PARG: variants seen among roughly 807,000 people sequenced by gnomAD.
PARG encodes poly(ADP-ribose) glycohydrolase, also known as mitochondrial poly(ADP-ribose) glycohydrolase.
PARG carries 35 observed loss-of-function variants against 113.0 expected under a neutral mutation model. The ratio of observed to expected loss-of-function variants is 0.31; its 90% CI spans 0.24 to 0.41. PARG has a LOEUF of 0.41. PARG is among the 10% of genes least tolerant of loss of function. The pLI is 1.00. For missense variants in PARG, 797 were observed against 1,169.4 expected (o/e 0.68, Z 4.64); for synonymous variants, 330 against 409.9 (o/e 0.81, Z 2.36).
intron 7 of PARG, among the ~76,000 whole-genome samples, chr10:49,905,137 G>C (rs1848519458): frequency 6.6e-6 from 1 of 152,304 alleles, no homozygotes; most frequent in Non-Finnish European, 1.5e-5. Flanking sequence ...ACAAGAAAGA[G>C]AAGCATGAGG....
Position 49,935,696 on chromosome 10 carries a change from C to T in PARG, c.218-554G>A, listed in dbSNP as rs1422694656. On this transcript the variant is annotated intron_variant, in intron 1 of 17. Transcript: ENST00000616448. The stretch of plus-strand genomic sequence containing the variant: ...ATGGGCATAATCGGTAAGATTTCTT[C>T]GGAAAAGGTAAGGCTTGACTTATGC... Among the ~76,000 whole-genome samples, 4 of 152,080 alleles carry T rather than the reference C, an allele frequency of 2.6e-5. No homozygotes were observed. The East Asian group carries it at 5.8e-4, about 22-fold the overall frequency.
intron 13 of PARG, among the ~76,000 whole-genome samples, chr10:49,846,802 T>C (rs1845534417): frequency 6.6e-6 from 1 of 152,082 alleles, no homozygotes; most frequent in South Asian, 2.1e-4. Context: ...AGTTCAAATC[T>C]TGGCTTCCAA....
Position 49,941,803 on chromosome 10 carries a change from G to T in PARG, c.-78C>A. 1 of 1,535,354 alleles carries T rather than the reference G, an allele frequency of 6.5e-7. No individual in the cohort carries two copies. The highest frequency in any genetic ancestry group is 8.7e-7 in the Non-Finnish European group (1 of 1,145,382). ...TCACTAACCCTGAGAGAGATGGACT[G>T]CGCCTCCTTCTCAGCGCCTGCCTGC... On this transcript the variant is annotated 5_prime_UTR_variant, in exon 1 of 18. Transcript: ENST00000616448.
At chr10:49,836,973 G>A (rs1844968205) in intron 15 of PARG, among the ~76,000 whole-genome samples, 1 of 152,074 alleles carries the variant, frequency 6.6e-6, no homozygotes, top group Non-Finnish European at 1.5e-5. Context: ...TTCTTCTCTT[G>A]CAGTGCTATT....
chr10:49,869,856 G>A (rs1292262804), intron 9 of PARG, among the ~76,000 whole-genome samples: 2 of 151,632 alleles, frequency 1.3e-5, no homozygotes, highest in Admixed American at 6.6e-5. Context: ...GTCAACTGGG[G>A]TCAGTCAGTC....
At chr10:49,854,460 T>A (rs1554834683) in intron 13 of PARG, among the ~76,000 whole-genome samples, 1 of 152,166 alleles carries the variant, frequency 6.6e-6, no homozygotes, top group African/African-American at 2.4e-5. Context: ...AAGGAAAAGT[T>A]GAAGAATGAG....
intron 13 of PARG, among the ~76,000 whole-genome samples, chr10:49,850,571 ACTC>A (rs1330641899): frequency 6.6e-6 from 1 of 151,888 alleles, no homozygotes; most frequent in Non-Finnish European, 1.5e-5. Context: ...AGCAAGGACT[ACTC>A]CTTCTTTTGT....
chr10:49,929,017 G>A (rs2664680), intron 4 of PARG, among the ~76,000 whole-genome samples: 2 of 152,170 alleles, frequency 1.3e-5, no homozygotes, highest in Admixed American at 1.3e-4. Context: ...TAATAGTTGT[G>A]TATTTTTTAC....
intron 7 of PARG, among the ~76,000 whole-genome samples, chr10:49,915,426 A>G (rs1837418334): frequency 6.6e-6 from 1 of 152,158 alleles, no homozygotes; most frequent in African/African-American, 2.4e-5. Flanking sequence ...AATTGCTACA[A>G]TTAATCTGTG....
intron 7 of PARG, among the ~76,000 whole-genome samples, chr10:49,886,575 CAA>C (rs1847497624): frequency 1.3e-5 from 2 of 151,900 alleles, no homozygotes; most frequent in Non-Finnish European, 2.9e-5. Context: ...GAAAATTAAA[CAA>C]AAGACAATTA....
At chr10:49,878,750 C>T (rs1316129478) in intron 9 of PARG, among the ~76,000 whole-genome samples, 14 of 152,172 alleles carry the variant, frequency 9.2e-5, no homozygotes, top group South Asian at 2.1e-4. Flanking sequence ...CATACTGCCC[C>T]ACCCTCAGAG....
At chr10:49,859,632 T>C (rs1330442181) in intron 12 of PARG, among the ~76,000 whole-genome samples, 1 of 152,164 alleles carries the variant, frequency 6.6e-6, no homozygotes, top group Non-Finnish European at 1.5e-5. Context: ...ATAAGGTACA[T>C]AACAAAAATA....
Position 49,933,624 on chromosome 10 carries a change from G to C in PARG, c.824C>G (p.Pro275Arg). ...TCTAGTCAATTTGTTGTCATTTTTT[G>C]GCCCAGTACCAACATCCTCAGAGCC... ...DVGSEDVGTG[P>R]KNDNKLTRQE... Residue 275 changes from proline to arginine, a missense_variant, in exon 3 of 18, where the codon CCA (proline) becomes CGA (arginine). Pro to Arg is a moderately radical substitution (Grantham distance 103, BLOSUM62 -2). This residue lies in a region of PARG where 284 missense variants were observed against 306.1 expected (regional missense o/e 0.93). Transcript: ENST00000616448. 1 of 1,608,668 alleles carries C rather than the reference G, an allele frequency of 6.2e-7. No individual in the cohort carries two copies. Among genetic ancestry groups the C allele is most frequent in the South Asian group, 1.1e-5 (1 of 90,944 alleles).
intron 7 of PARG, among the ~76,000 whole-genome samples, chr10:49,893,732 T>C (rs1245160656): frequency 6.6e-6 from 1 of 151,824 alleles, no homozygotes; most frequent in Non-Finnish European, 1.5e-5. Flanking sequence ...CTCCCTGTGT[T>C]GCCCAGGCTG....
At chr10:49,914,422 A>G (rs1837355048) in intron 7 of PARG, among the ~76,000 whole-genome samples, 1 of 152,208 alleles carries the variant, frequency 6.6e-6, no homozygotes, top group African/African-American at 2.4e-5. Flanking sequence ...AGACACAAGG[A>G]TAAGTCTTCC....
intron 4 of PARG, among the ~76,000 whole-genome samples, chr10:49,925,397 T>C (rs1554850307): frequency 6.6e-6 from 1 of 152,118 alleles, no homozygotes; most frequent in Non-Finnish European, 1.5e-5. Context: ...TTTTAACCAA[T>C]TGCCAAGCAG....
chr10:49,885,397 T>C (rs1847427357), intron 7 of PARG, 102 bp from the exon 8 acceptor site: 1 of 708,178 alleles, frequency 1.4e-6, no homozygotes, highest in Middle Eastern at 4.0e-4. Flanking sequence ...CTGCTTTTCA[T>C]GGAACCCCAT....
intron 16 of PARG, among the ~76,000 whole-genome samples, chr10:49,830,356 C>T (rs527541829): frequency 3.7e-4 from 56 of 151,878 alleles, no homozygotes; most frequent in Non-Finnish European, 4.1e-4. Context: ...CCTCAAACAC[C>T]GAAAATAGCA....
Position 49,933,738 on chromosome 10 carries a change from C to A in PARG, c.710G>T (p.Cys237Phe). ...TTCCCCAGGATCGCAAGACTTGCTG[C>A]ACTTCTGGTGGCTTTTGGCTTCTCT... ...QAREAKSHQK[C>F]SKSCDPGEDC... Residue 237 changes from cysteine (C) to phenylalanine (F), a missense_variant, in exon 3 of 18, where the codon TGC (cysteine) becomes TTC (phenylalanine). By Grantham distance (205) the Cys-to-Phe change is radical. Coordinates refer to ENST00000616448, the MANE Select transcript of PARG (RefSeq NM_003631.5). The A allele has an allele frequency of 6.2e-7, 1 of 1,612,740 alleles. No individual in the cohort carries two copies. Among genetic ancestry groups the A allele is most frequent in the Non-Finnish European group, 8.5e-7 (1 of 1,178,760 alleles).
Sources: allele counts gnomAD v4.1 joint callset (sites outside exome capture counted in the v4.1 genomes callset), GRCh38; gene constraint gnomAD v4.1.1; regional missense constraint gnomAD v4.1.1; transcripts MANE v1.5; gene names NCBI Gene and HGNC (gene_info 2026-07-23, HGNC 2026-07-21).